Variants in SLC22A23 observed in about 807,000 individuals in gnomAD.
The protein encoded by SLC22A23 is solute carrier family 22 member 23.
Under a neutral mutation model 61.0 loss-of-function variants are expected in SLC22A23, and 26 were observed. That is an observed-to-expected ratio of 0.43 (90% CI 0.31 to 0.59). The LOEUF (loss-of-function observed/expected upper bound fraction) is 0.59. Among genes scored for constraint, SLC22A23 ranks in the 20% least tolerant of loss-of-function variants. The probability of loss-of-function intolerance (pLI) is 0.11; values close to 1 mark genes in which losing one functional copy is unlikely to be tolerated. For missense variants in SLC22A23, 796 were observed against 934.7 expected (o/e 0.85, Z 1.94); for synonymous variants, 430 against 413.9 (o/e 1.04, Z -0.47).
At position 3,328,161 on chromosome 6, in the gene SLC22A23, T is replaced by C. The variant is rs565229276; in HGVS notation, c.914-4159A>G. 6.6e-6 allele frequency among the ~76,000 whole-genome samples: 1 copy of C among 151,304 alleles called. No individual in the cohort carries two copies. The highest frequency in any genetic ancestry group is 1.5e-5 in the Non-Finnish European group (1 of 67,900). On this transcript the variant is annotated intron_variant, in intron 3 of 9. Coordinates refer to ENST00000406686, the MANE Select transcript of SLC22A23 (RefSeq NM_015482.2). This position sits in a 1 kb window ranked among gnomAD's most constrained non-coding sequence, Gnocchi z 5.0. The stretch of plus-strand genomic sequence containing the variant: ...ATGCTTACAAGCTACTCTTGGCAAC[T>C]AGATATACTTTGTCGATAAGCAGAG...
In SLC22A23 at chr6:3,326,996, G is replaced by A. The variant is rs529855497; in HGVS notation, c.914-2994C>T. Among the ~76,000 whole-genome samples the A allele has an allele frequency of 4.2e-5, 6 of 141,556 alleles. No homozygotes were observed. In the South Asian group the frequency reaches 6.8e-4, roughly 16 times the overall value. The allele number at this position is 141,556 out of a possible 152,430, so 92.9% of individuals were successfully genotyped here. A position where few individuals can be genotyped will look rare whatever the true frequency, so the allele number is the denominator to read the frequency against. Reference sequence around the variant, plus strand: ...GAGGGACGGGGACTGCAGGTGGATCGTTTCTGCTGGGAGGGACGGGGACTG... The same window carrying A: ...GAGGGACGGGGACTGCAGGTGGATCATTTCTGCTGGGAGGGACGGGGACTG... On this transcript the variant is annotated intron_variant, in intron 3 of 9. Transcript: ENST00000406686.
chr6:3,435,493 C>T (rs556202107), intron 1 of SLC22A23, among the ~76,000 whole-genome samples: 1 of 152,188 alleles, frequency 6.6e-6, no homozygotes, highest in African/African-American at 2.4e-5. Flanking sequence ...CTAGTACCTG[C>T]AGCCTTCTGT....
intron 3 of SLC22A23, among the ~76,000 whole-genome samples, chr6:3,408,941 G>A (rs750340902): frequency 6.6e-6 from 1 of 152,248 alleles, no homozygotes; most frequent in Non-Finnish European, 1.5e-5. Context: ...AGGACCAGGA[G>A]GCTTCTCCAG....
At chr6:3,282,392 G>A in intron 9 of SLC22A23, 2 of 690,854 alleles carry the variant, frequency 2.9e-6, no homozygotes, top group Non-Finnish European at 5.3e-6. Context: ...CTGTCCAGGT[G>A]CCCAGTAGCT....
In SLC22A23 at chr6:3,362,427, AATAAAAAAT is replaced by A. The variant is rs1373887951; in HGVS notation, c.914-38434_914-38426del. On this transcript the variant is annotated intron_variant, in intron 3 of 9. Transcript: ENST00000406686. ...CACAAAAAAAAAAAATAAAATAAAA[AATAAAAAAT>A]AAAAATTAGCATGCATTTTCATCAG... Among the ~76,000 whole-genome samples, 982 of 137,426 alleles carry A rather than the reference AATAAAAAAT, an allele frequency of 7.1e-3. 164 individuals carry two copies. Among genetic ancestry groups the A allele is most frequent in the African/African-American group, 0.022 (757 of 35,084 alleles). 90.2% of individuals were successfully genotyped at this position (137,426 alleles called of 152,430 possible).
At chr6:3,349,411 C>T (rs988927980) in intron 3 of SLC22A23, among the ~76,000 whole-genome samples, 29 of 152,204 alleles carry the variant, frequency 1.9e-4, no homozygotes, top group African/African-American at 7.0e-4. Flanking sequence ...CACCAAATCC[C>T]AATGCCAACC....
chr6:3,430,077 G>T (rs1201208065), intron 1 of SLC22A23, among the ~76,000 whole-genome samples: 2 of 152,194 alleles, frequency 1.3e-5, no homozygotes, highest in Non-Finnish European at 2.9e-5. Context: ...ACAAAAAAAA[G>T]TTTAAAGAAA....
intron 3 of SLC22A23, among the ~76,000 whole-genome samples, chr6:3,409,689 G>A (rs530315068): frequency 1.3e-5 from 2 of 152,278 alleles, no homozygotes; most frequent in East Asian, 3.9e-4. Flanking sequence ...ATCAATGAAA[G>A]AAATGTCTCA....
rs1419155466 is a variant in SLC22A23 at position 3,362,415 on chromosome 6, AATAAAATAAAAAATAAAAAAT to A, written c.914-38434_914-38414del. Among the ~76,000 whole-genome samples, 13 of 55,572 alleles carry A rather than the reference AATAAAATAAAAAATAAAAAAT, an allele frequency of 2.3e-4. 2 individuals are homozygous for A. Among genetic ancestry groups the A allele is most frequent in the East Asian group, 8.8e-4 (1 of 1,136 alleles). 36.5% of individuals were successfully genotyped at this position (55,572 alleles called of 152,430 possible). A position where few individuals can be genotyped will look rare whatever the true frequency, so the allele number is the denominator to read the frequency against. On this transcript the variant is annotated intron_variant, in intron 3 of 9. Coordinates refer to ENST00000406686, the MANE Select transcript of SLC22A23 (RefSeq NM_015482.2). ...GAGATTCCGTCTCACAAAAAAAAAAAATAAAATAAAAAATAAAAAATAAAAATTAGCATGCATTTTCATCAG... is the reference window on the plus strand; with the variant it reads ...GAGATTCCGTCTCACAAAAAAAAAAAAAAAATTAGCATGCATTTTCATCAG...
In SLC22A23 at chr6:3,410,428, T is replaced by C; in HGVS notation, c.759-86A>G. ...CTGAAACCCGGTGTCCAGCAGGCACTCAATATATGTTGAATGAGTACTGGG... is the reference window on the plus strand; with the variant it reads ...CTGAAACCCGGTGTCCAGCAGGCACCCAATATATGTTGAATGAGTACTGGG... On this transcript the variant is annotated intron_variant, in intron 2 of 9. Coordinates refer to ENST00000406686, the MANE Select transcript of SLC22A23 (RefSeq NM_015482.2). This position sits in a 1 kb window ranked among gnomAD's most constrained non-coding sequence, Gnocchi z 5.0. 7.2e-7 allele frequency: 1 copy of C among 1,395,708 alleles called. No individual in the cohort carries two copies. Among genetic ancestry groups the C allele is most frequent in the Non-Finnish European group, 9.6e-7 (1 of 1,037,446 alleles). 86.5% of individuals were successfully genotyped at this position (1,395,708 alleles called of 1,614,324 possible).
Position 3,298,118 on chromosome 6 carries a change from C to T in SLC22A23, c.1183G>A (p.Glu395Lys), listed in dbSNP as rs749825573. ...GGTATCACACCCTTGATGTCGCCCT[C>T]AGGGTTCATGCGATTCTTCTGTGTG... is the stretch of plus-strand genomic sequence containing the variant. ...HFTQKNRMNP[E>K]GDIKGVIPEL... The change falls in exon 5 of 10, where the codon GAG (glutamate) becomes AAG (lysine). Residue 395 changes from glutamate to lysine, a missense_variant. Transcript: ENST00000406686. The T allele has an allele frequency of 1.9e-6, 3 of 1,578,568 alleles. No individual in the cohort carries two copies. Among genetic ancestry groups the T allele is most frequent in the South Asian group, 2.4e-5 (2 of 84,900 alleles).
chr6:3,392,778 G>C (rs1767748849), intron 3 of SLC22A23, among the ~76,000 whole-genome samples: 1 of 152,152 alleles, frequency 6.6e-6, no homozygotes, highest in Non-Finnish European at 1.5e-5. Flanking sequence ...GAGGAAGGAG[G>C]GTTCTGTTTT....
Position 3,431,999 on chromosome 6 carries a change from C to T in SLC22A23, c.655-16144G>A, listed in dbSNP as rs73720895. 5.5e-3 allele frequency: 879 copies of T among 161,134 alleles called. 9 individuals carry two copies. Among genetic ancestry groups the T allele is most frequent in the African/African-American group, 0.02 (831 of 41,708 alleles). The allele number at this position is 161,134 out of a possible 1,614,324, so 10.0% of individuals were successfully genotyped here. A position where few individuals can be genotyped will look rare whatever the true frequency, so the allele number is the denominator to read the frequency against. On this transcript the variant is annotated intron_variant, in intron 1 of 9. Coordinates refer to ENST00000406686, the MANE Select transcript of SLC22A23 (RefSeq NM_015482.2). ...TGCAGAAAAGGGCTCAGATTAAATGCGTATCTCAAAGCACACACTCTGCTG... is the reference window on the plus strand; with the variant it reads ...TGCAGAAAAGGGCTCAGATTAAATGTGTATCTCAAAGCACACACTCTGCTG...
In SLC22A23 at chr6:3,272,276, G is replaced by A. The variant is rs1177214674; in HGVS notation, c.*779C>T. 1 of 152,704 alleles carries A rather than the reference G, an allele frequency of 6.5e-6. No homozygotes were observed. Among genetic ancestry groups the A allele is most frequent in the Non-Finnish European group, 1.5e-5 (1 of 68,034 alleles). 9.5% of individuals were successfully genotyped at this position (152,704 alleles called of 1,614,324 possible). A position where few individuals can be genotyped will look rare whatever the true frequency, so the allele number is the denominator to read the frequency against. On this transcript the variant is annotated 3_prime_UTR_variant, in exon 10 of 10. Coordinates refer to ENST00000406686, the MANE Select transcript of SLC22A23 (RefSeq NM_015482.2). ...AATCTGGGAGAGGAGGAATAAAAACGAGCACATCTCAGGTCTCGACGCATC... is the reference window on the plus strand; with the variant it reads ...AATCTGGGAGAGGAGGAATAAAAACAAGCACATCTCAGGTCTCGACGCATC...
At chr6:3,310,210 C>T (rs932680890) in intron 4 of SLC22A23, among the ~76,000 whole-genome samples, 1 of 151,026 alleles carries the variant, frequency 6.6e-6, no homozygotes, top group South Asian at 2.1e-4. Flanking sequence ...GCAGTTCAAG[C>T]GGGAGCACCC....
rs560185606 is a variant in SLC22A23 at position 3,304,409 on chromosome 6, A to G, written c.1083-6191T>C. Among the ~76,000 whole-genome samples the G allele has an allele frequency of 1.3e-5, 2 of 152,282 alleles. No homozygotes were observed. Among genetic ancestry groups the G allele is most frequent in the Admixed American group, 6.5e-5 (1 of 15,288 alleles). ...AGAGTCTCTGAGAATTGCAAAGCTC[A>G]TAGAAAAGATTTCAAGGATATTACT... On this transcript the variant is annotated intron_variant, in intron 4 of 9. Transcript: ENST00000406686. The surrounding 1 kb of genome is among the most constrained non-coding windows in gnomAD (Gnocchi z 4.3).
intron 1 of SLC22A23, among the ~76,000 whole-genome samples, chr6:3,430,780 C>A (rs752263743): frequency 2.2e-4 from 33 of 152,232 alleles, no homozygotes; most frequent in Admixed American, 4.6e-4. Flanking sequence ...GAAAACACAG[C>A]ATATGGCCAG....
In SLC22A23 at chr6:3,454,878, G is replaced by T. The variant is rs1021172636; in HGVS notation, c.654+1028C>A. On this transcript the variant is annotated intron_variant, in intron 1 of 9. Coordinates refer to ENST00000406686, the MANE Select transcript of SLC22A23 (RefSeq NM_015482.2). The surrounding 1 kb of genome is among the most constrained non-coding windows in gnomAD (Gnocchi z 4.3). ...ACATGCACATTGACTATTTAAAACTGTCCAATTTCATACATTTCGACAAAG... is the reference window on the plus strand; with the variant it reads ...ACATGCACATTGACTATTTAAAACTTTCCAATTTCATACATTTCGACAAAG... Among the ~76,000 whole-genome samples the T allele has an allele frequency of 6.6e-6, 1 of 152,200 alleles. No individual in the cohort carries two copies. The highest frequency in any genetic ancestry group is 2.4e-5 in the African/African-American group (1 of 41,452).
intron 1 of SLC22A23, among the ~76,000 whole-genome samples, chr6:3,443,772 C>A (rs1461071402): frequency 2.0e-5 from 3 of 152,148 alleles, no homozygotes; most frequent in Non-Finnish European, 4.4e-5. Flanking sequence ...CAGATTTGCA[C>A]CCAGGAAGCT....
Sources: allele counts gnomAD v4.1 joint callset (sites outside exome capture counted in the v4.1 genomes callset), GRCh38; gene constraint gnomAD v4.1.1; non-coding constraint Gnocchi (gnomAD v3.1); transcripts MANE v1.5; gene names NCBI Gene and HGNC (gene_info 2026-07-23, HGNC 2026-07-21).